Variants in ATRNL1 observed in about 807,000 individuals in gnomAD.
The protein encoded by ATRNL1 is attractin like 1, also known as attractin-like protein 1.
In ATRNL1, 95 loss-of-function variants were observed where a neutral mutation model predicts 182.7. The observed-to-expected ratio is 0.52, with a 90% confidence interval of 0.44 to 0.62. The LOEUF (loss-of-function observed/expected upper bound fraction) is 0.62. ATRNL1 is among the 20% of genes least tolerant of loss of function. ATRNL1 has a pLI of 0.00. For missense variants in ATRNL1, 1,471 were observed against 1,679.5 expected (o/e 0.88, Z 2.17); for synonymous variants, 576 against 568.3 (o/e 1.01, Z -0.19).
In ATRNL1 at chr10:115,838,686, A is replaced by T. The variant is rs547916159; in HGVS notation, c.3904-9191A>T. 1.3e-4 allele frequency among the ~76,000 whole-genome samples: 20 copies of T among 152,250 alleles called. No individual in the cohort carries two copies. The South Asian group carries it at 2.5e-3, about 19-fold the overall frequency. On this transcript the variant is annotated intron_variant, in intron 27 of 28. Coordinates refer to ENST00000355044, the MANE Select transcript of ATRNL1 (RefSeq NM_207303.4). Reference sequence around the variant, plus strand: ...TGTCTTTAGCATTCTGTGAAAGCTGATGTTCATAATGTTGATCATGGAACA... The same window carrying T: ...TGTCTTTAGCATTCTGTGAAAGCTGTTGTTCATAATGTTGATCATGGAACA...
intron 26 of ATRNL1, among the ~76,000 whole-genome samples, chr10:115,588,333 A>G (rs1466965794): frequency 6.6e-6 from 1 of 152,158 alleles, no homozygotes; most frequent in Non-Finnish European, 1.5e-5. Context: ...TGTGGGGGAC[A>G]CAATCTGGAG....
intron 9 of ATRNL1, among the ~76,000 whole-genome samples, chr10:115,222,326 A>G (rs1554897636): frequency 1.3e-5 from 2 of 152,194 alleles, no homozygotes; most frequent in African/African-American, 2.4e-5. Flanking sequence ...GAAGATGTGG[A>G]AATTGTCTAA....
rs116226806 is a variant in ATRNL1 at position 115,718,276 on chromosome 10, G to A, written c.3796-8972G>A. ...ATTCTATCTAAAGCACTTTCCCTCT[G>A]CACTGTATCTTTCCTCTGAGCATTT... On this transcript the variant is annotated intron_variant, in intron 26 of 28. Transcript: ENST00000355044. Among the ~76,000 whole-genome samples, 1,276 of 152,248 alleles carry A rather than the reference G, an allele frequency of 8.4e-3. 14 individuals carry two copies. The highest frequency in any genetic ancestry group is 0.029 in the African/African-American group (1,204 of 41,540).
chr10:115,309,064 G>T (rs1853884365), intron 17 of ATRNL1, among the ~76,000 whole-genome samples: 1 of 152,070 alleles, frequency 6.6e-6, no homozygotes, highest in South Asian at 2.1e-4. Flanking sequence ...TCAGTTGGTT[G>T]TAAGTATTTG....
chr10:115,679,360 C>T (rs1273306741), intron 26 of ATRNL1, among the ~76,000 whole-genome samples: 10 of 151,826 alleles, frequency 6.6e-5, no homozygotes, highest in Admixed American at 6.6e-4. Flanking sequence ...TTTTGCAGTA[C>T]AACCCTCTCT....
chr10:115,594,508 T>C (rs1856109021), intron 26 of ATRNL1, among the ~76,000 whole-genome samples: 2 of 146,394 alleles, frequency 1.4e-5, no homozygotes, highest in Admixed American at 1.3e-4. Flanking sequence ...TACTTGTTTT[T>C]TGTTTTGTTT....
chr10:115,622,950 A>C (rs1857866782), intron 26 of ATRNL1, among the ~76,000 whole-genome samples: 1 of 152,188 alleles, frequency 6.6e-6, no homozygotes, highest in African/African-American at 2.4e-5. Context: ...AATTTAAAAC[A>C]GAAAGCAAAG....
intron 25 of ATRNL1, among the ~76,000 whole-genome samples, chr10:115,521,072 A>G (rs1257598942): frequency 2.6e-5 from 4 of 152,218 alleles, no homozygotes; most frequent in Non-Finnish European, 5.9e-5. Flanking sequence ...ACAAAGTTAC[A>G]GTATGGTTTT....
chr10:115,328,329 C>T (rs782138398), intron 18 of ATRNL1, among the ~76,000 whole-genome samples: 7 of 152,040 alleles, frequency 4.6e-5, no homozygotes, highest in South Asian at 4.1e-4. Context: ...ATGTTTCACA[C>T]GGTTCAATGC....
chr10:115,459,245 G>GA (rs1179952008), intron 21 of ATRNL1, among the ~76,000 whole-genome samples: 1 of 152,048 alleles, frequency 6.6e-6, no homozygotes, highest in Non-Finnish European at 1.5e-5. Context: ...TGGGCACCCT[G>GA]AAAAAAGAAC....
rs964888593 is a variant in ATRNL1 at position 115,916,638 on chromosome 10, G to A, written c.4019-28020G>A. ...TCATTTCCATTGTGTAATCCCACGT[G>A]CATTAGAATTCATGAAAGTCTTATT... On this transcript the variant is annotated intron_variant, in intron 28 of 28. Coordinates refer to ENST00000355044, the MANE Select transcript of ATRNL1 (RefSeq NM_207303.4). Among the ~76,000 whole-genome samples the A allele has an allele frequency of 3.9e-5, 6 of 152,288 alleles. 1 individual carries two copies. The South Asian group carries it at 1.2e-3, about 32-fold the overall frequency.
Position 115,887,560 on chromosome 10 carries a change from TCTC to T in ATRNL1, c.4018+39572_4018+39574del, listed in dbSNP as rs564478140. On this transcript the variant is annotated intron_variant, in intron 28 of 28. Coordinates refer to ENST00000355044, the MANE Select transcript of ATRNL1 (RefSeq NM_207303.4). The stretch of plus-strand genomic sequence containing the variant: ...ACCTAATCATCTCCTAAAGGCCTCA[TCTC>T]CTAATACCATCACACTGGTGATTAG... 2.0e-4 allele frequency among the ~76,000 whole-genome samples: 31 copies of T among 152,116 alleles called. 1 individual carries two copies. The South Asian group carries it at 6.4e-3, about 32-fold the overall frequency.
chr10:115,759,841 A>ATTTTTTTTTTTTTTTTTT (rs58578796), intron 27 of ATRNL1, among the ~76,000 whole-genome samples: 12 of 62,696 alleles, frequency 1.9e-4, no homozygotes, highest in Admixed American at 5.6e-4. Context: ...ACACCTGGCT[A>ATTTTTTTTTTTTTTTTTT]TTTTTTTTTT....
At chr10:115,412,947 G>GA (rs1176535851) in intron 20 of ATRNL1, among the ~76,000 whole-genome samples, 1 of 152,160 alleles carries the variant, frequency 6.6e-6, no homozygotes, top group East Asian at 1.9e-4. Flanking sequence ...TTCTTTGGGG[G>GA]ATCTACAATG....
intron 8 of ATRNL1, among the ~76,000 whole-genome samples, chr10:115,213,146 T>A (rs768524336): frequency 6.6e-6 from 1 of 152,156 alleles, no homozygotes; most frequent in Non-Finnish European, 1.5e-5. Context: ...GTGATTTTTC[T>A]TGTTGTCGGT....
chr10:115,316,442 A>G (rs1854306776), intron 18 of ATRNL1, among the ~76,000 whole-genome samples: 2 of 152,192 alleles, frequency 1.3e-5, no homozygotes, highest in South Asian at 4.1e-4. Context: ...TCTTTATAGT[A>G]GAATGATTTA....
At chr10:115,561,704 G>GGTGTGTGT (rs71010029) in intron 26 of ATRNL1, among the ~76,000 whole-genome samples, 2,783 of 145,006 alleles carry the variant, frequency 0.019, 61 homozygotes, top group East Asian at 0.12. Context: ...TGTGTGTGTG[G>GGTGTGTGT]GTGTGTGTGT....
intron 1 of ATRNL1, among the ~76,000 whole-genome samples, chr10:115,098,679 G>A (rs995412465): frequency 6.6e-6 from 1 of 151,602 alleles, no homozygotes; most frequent in Admixed American, 6.6e-5. Context: ...GGATGGTCTC[G>A]ATCTCCTGAC....
At chr10:115,233,342 A>G (rs1051221455) in intron 9 of ATRNL1, among the ~76,000 whole-genome samples, 5 of 152,266 alleles carry the variant, frequency 3.3e-5, no homozygotes, top group African/African-American at 9.6e-5. Context: ...TTTTCTGTTT[A>G]TGATCTGATA....
Sources: allele counts gnomAD v4.1 joint callset (sites outside exome capture counted in the v4.1 genomes callset), GRCh38; gene constraint gnomAD v4.1.1; transcripts MANE v1.5; gene names NCBI Gene and HGNC (gene_info 2026-07-23, HGNC 2026-07-21).